The following CAPG variants were observed in gnomAD, a reference collection of about 807,000 sequenced individuals.
CAPG encodes macrophage-capping protein.
A neutral mutation model predicts 44.6 loss-of-function variants in CAPG; 32 were observed. That is an observed-to-expected ratio of 0.72 (90% confidence interval 0.54 to 0.96). The LOEUF (loss-of-function observed/expected upper bound fraction) is 0.96. Among genes scored for constraint, CAPG ranks in the 50% least tolerant of loss-of-function variants. The pLI is 0.00. For missense variants in CAPG, 412 were observed against 438.3 expected (o/e 0.94, Z 0.54); for synonymous variants, 175 against 179.6 (o/e 0.97, Z 0.20).
intron 1 of CAPG, among the ~76,000 whole-genome samples, chr2:85,405,398 T>C (rs1344499151): frequency 1.3e-5 from 2 of 151,992 alleles, no homozygotes; most frequent in Non-Finnish European, 2.9e-5. Context: ...GTGCATCCAT[T>C]TGGACAGAGT....
chr2:85,404,639 T>C (rs1194576808), intron 1 of CAPG, among the ~76,000 whole-genome samples: 1 of 151,802 alleles, frequency 6.6e-6, no homozygotes, highest in African/African-American at 2.4e-5. Context: ...TCCCAGCTAC[T>C]TGGGAGGCTG....
In CAPG at chr2:85,401,687, G is replaced by A. The variant is rs1173555032; in HGVS notation, c.197-4C>T. On this transcript the variant is annotated splice_region_variant and splice_polypyrimidine_tract_variant and intron_variant, in intron 3 of 9. Transcript: ENST00000263867. ...TCATCCCGGGATGACTGCTGGCCTG[G>A]GACAAGTGGGAGAGGGCAGGGCAAG... The A allele has an allele frequency of 6.2e-7, 1 of 1,614,098 alleles. No individual in the cohort carries two copies. Among genetic ancestry groups the A allele is most frequent in the African/African-American group, 1.3e-5 (1 of 75,056 alleles).
rs1573180665 is a variant in CAPG, at chr2:85,401,645, C to T, written c.235G>A (p.Val79Met). 3.1e-6 allele frequency: 5 copies of T among 1,614,130 alleles called. No individual in the cohort carries two copies. Among genetic ancestry groups the T allele is most frequent in the African/African-American group, 1.3e-5 (1 of 75,064 alleles). Residue 79 changes from valine to methionine, a missense_variant, in exon 4 of 10, where the codon GTG becomes ATG. Transcript: ENST00000263867. ...AGCGTGTTGAGGTGCACAGCCAGCACGGCACAGGCCCCCTGCTCATCCCGG... is the reference window on the plus strand; with the variant it reads ...AGCGTGTTGAGGTGCACAGCCAGCATGGCACAGGCCCCCTGCTCATCCCGG... The part of the protein sequence containing the change: ...SSRDEQGACA[V>M]LAVHLNTLLG...
exon 1 of CAPG, chr2:85,418,301 C>G (rs1687617663): frequency 1.3e-5 from 2 of 152,202 alleles, no homozygotes; most frequent in Non-Finnish European, 2.9e-5. Flanking sequence ...GCGGGTACAT[C>G]TCAGGGTCGG....
At chr2:85,397,967 C>T (rs747321593) in intron 8 of CAPG, 53 bp downstream of exon 8, 2 of 1,578,194 alleles carry the variant, frequency 1.3e-6, no homozygotes, top group Non-Finnish European at 1.7e-6. Flanking sequence ...GGGAAGCCTG[C>T]CCGGGTCAGA....
downstream of CAPG, among the ~76,000 whole-genome samples, chr2:85,393,070 C>CT (rs1686444590): frequency 2.0e-5 from 3 of 151,634 alleles, no homozygotes; most frequent in Admixed American, 2.0e-4. Context: ...GGATCTCACT[C>CT]TGTCACCCAG....
chr2:85,402,048 G>C (rs1686928383), intron 2 of CAPG, 75 bp downstream of exon 2: 1 of 1,609,756 alleles, frequency 6.2e-7, no homozygotes, highest in Non-Finnish European at 8.5e-7. Context: ...TGGGGATGAG[G>C]AGAGCAGTGG....
chr2:85,416,027 G>A (rs1687544388), intron 1 of CAPG, among the ~76,000 whole-genome samples: 1 of 152,040 alleles, frequency 6.6e-6, no homozygotes, highest in African/African-American at 2.4e-5. Flanking sequence ...GGGAGGATCC[G>A]CAAAAAGAAT....
chr2:85,401,057 T>A, intron 5 of CAPG, 108 bp downstream of exon 5: 1 of 1,035,226 alleles, frequency 9.7e-7, no homozygotes, highest in Non-Finnish European at 1.4e-6. Flanking sequence ...TCACTTGGAA[T>A]GGGTTTACGG....
chr2:85,414,486 G>A (rs1687506975), upstream of CAPG, among the ~76,000 whole-genome samples: 1 of 150,262 alleles, frequency 6.7e-6, no homozygotes, highest in South Asian at 2.1e-4. Flanking sequence ...CTGGAGTGCG[G>A]TGCTGTGATC....
chr2:85,395,547 C>T lies in CAPG; in HGVS notation c.972G>A (p.Pro324=), dbSNP rs374063250. ...GTGCGCATCTCCTCACCTGAGTGTT[C>T]GGGGCGTACTGCATGCGCGAGATGA... ...EGFISRMQYA[P]NTQVEILPQG... The change falls in exon 9 of 10, where the codon CCG becomes CCA. Residue 324 remains proline, a synonymous_variant. Coordinates refer to ENST00000263867, the MANE Select transcript of CAPG (RefSeq NM_001747.4). This position sits in a 1 kb window ranked among gnomAD's most constrained non-coding sequence, Gnocchi z 4.3. 56 of 1,613,156 alleles carry T rather than the reference C, an allele frequency of 3.5e-5. No homozygotes were observed. Among genetic ancestry groups the T allele is most frequent in the Middle Eastern group, 1.6e-4 (1 of 6,080 alleles).
chr2:85,396,815 C>T (rs1325674990), intron 8 of CAPG, among the ~76,000 whole-genome samples: 1 of 152,142 alleles, frequency 6.6e-6, no homozygotes, highest in East Asian at 1.9e-4. Flanking sequence ...TGCTGAGTTT[C>T]AGAAGCAATA....
intron 1 of CAPG, among the ~76,000 whole-genome samples, chr2:85,406,449 C>G (rs1045204823): frequency 6.6e-6 from 1 of 152,134 alleles, no homozygotes; most frequent in Admixed American, 6.5e-5. Context: ...TTACCTAGAA[C>G]CCCCTACCCT....
chr2:85,402,478 T>C (rs936712410), intron 1 of CAPG, among the ~76,000 whole-genome samples: 1 of 152,212 alleles, frequency 6.6e-6, no homozygotes, highest in African/African-American at 2.4e-5. Flanking sequence ...CAATGAATTT[T>C]TTTTTTGAGA....
At chr2:85,413,263 A>T (rs1005797893), upstream of CAPG, 1 of 152,252 alleles carries the variant, frequency 6.6e-6, no homozygotes, top group Non-Finnish European at 1.5e-5. Flanking sequence ...ACAGGAAAAA[A>T]GGGGAGAGGT....
chr2:85,407,321 A>G (rs554280661), intron 1 of CAPG, among the ~76,000 whole-genome samples: 2 of 152,162 alleles, frequency 1.3e-5, no homozygotes, highest in South Asian at 4.2e-4. Context: ...CATATTTTGA[A>G]CATATGTTCA....
At position 85,395,363 on chromosome 2, in the gene CAPG, T is replaced by C. The variant is rs970312816; in HGVS notation, c.981+175A>G. The C allele has an allele frequency of 9.7e-6, 6 of 619,982 alleles. No individual in the cohort carries two copies. The African/African-American group carries it at 1.1e-4, about 11-fold the overall frequency. The allele number at this position is 619,982 out of a possible 1,614,324, so 38.4% of individuals were successfully genotyped here. ...CAACATCCTCTTTGAAAATAATAAG[T>C]ATTTTGACATTTTGAAGGATTGAGA... On this transcript the variant is annotated intron_variant, in intron 9 of 9. Transcript: ENST00000263867. The surrounding 1 kb of genome is among the most constrained non-coding windows in gnomAD (Gnocchi z 4.3).
rs897087397 is a variant in CAPG, at chr2:85,417,995, G to A, written c.-14+272C>T. Among the ~76,000 whole-genome samples, 6 of 152,150 alleles carry A rather than the reference G, an allele frequency of 3.9e-5. 1 individual carries two copies. The highest frequency in any genetic ancestry group is 4.8e-5 in the African/African-American group (2 of 41,432). ...GTGGACCATAGGTTTTCTTGGTCAC[G>A]AGAGACTTCCTCCCTCCCTGGGCTC... On this transcript the variant is annotated intron_variant, in intron 1 of 5. Coordinates refer to the CAPG transcript ENST00000409275.
Position 85,394,848 on chromosome 2 carries a change from A to G in CAPG, c.*45T>C, listed in dbSNP as rs1424077710. ...CAGGCAGCCAGAGAAGCAAGCAGGCAGGTGGTGGGGGGCAGGGGAGCATGG... is the reference window on the plus strand; with the variant it reads ...CAGGCAGCCAGAGAAGCAAGCAGGCGGGTGGTGGGGGGCAGGGGAGCATGG... On this transcript the variant is annotated 3_prime_UTR_variant, in exon 10 of 10. Transcript: ENST00000263867. The G allele has an allele frequency of 7.2e-7, 1 of 1,383,600 alleles. No homozygotes were observed. The highest frequency in any genetic ancestry group is 2.3e-5 in the East Asian group (1 of 43,860). 85.7% of individuals were successfully genotyped at this position (1,383,600 alleles called of 1,614,324 possible).
Sources: gnomAD v4.1 joint callset for allele counts (sites outside exome capture counted in the v4.1 genomes callset) on GRCh38, gnomAD v4.1.1 for gene constraint, Gnocchi (gnomAD v3.1) non-coding constraint, MANE v1.5 for transcripts, NCBI Gene and HGNC (gene_info 2026-07-23, HGNC 2026-07-21) for gene names.